Variants in TSNAX observed in about 807,000 individuals in gnomAD.
The protein encoded by TSNAX is translin associated factor X.
In TSNAX, 12 loss-of-function variants were observed where a neutral mutation model predicts 33.0. The ratio of observed to expected loss-of-function variants is 0.36; its 90% CI spans 0.23 to 0.59. The LOEUF is 0.59. Ranked by LOEUF, TSNAX falls within the 20% of genes least tolerant of loss-of-function variation. The pLI, the probability that TSNAX is intolerant of heterozygous loss-of-function variation, is 0.74. For missense variants in TSNAX, 267 were observed against 341.3 expected, an observed-to-expected ratio of 0.78 and a Z score of 1.72; for synonymous variants, 110 against 117.2, an observed-to-expected ratio of 0.94 and a Z score of 0.40.
At chr1:231,557,432 T>C (rs992020458) in intron 4 of TSNAX, among the ~76,000 whole-genome samples, 14 of 152,292 alleles carry the variant, frequency 9.2e-5, no homozygotes, top group African/African-American at 3.1e-4. Context: ...TCCATTAGTC[T>C]TATTTATTAT....
At chr1:231,556,223 A>C (rs1247892533) in intron 4 of TSNAX, among the ~76,000 whole-genome samples, 1 of 152,236 alleles carries the variant, frequency 6.6e-6, no homozygotes, top group Non-Finnish European at 1.5e-5. Context: ...ATTTTTAAAA[A>C]TAATTTGTAA....
intron 3 of TSNAX, among the ~76,000 whole-genome samples, chr1:231,538,728 T>G (rs928576955): frequency 6.6e-6 from 1 of 152,106 alleles, no homozygotes; most frequent in Non-Finnish European, 1.5e-5. Context: ...GCATGGTGGC[T>G]CACACCTGTA....
intron 3 of TSNAX, among the ~76,000 whole-genome samples, chr1:231,542,277 A>G (rs1659624236): frequency 6.6e-6 from 1 of 152,244 alleles, no homozygotes; most frequent in African/African-American, 2.4e-5. Flanking sequence ...TATAGTAAAC[A>G]TACAATTTTT....
chr1:231,530,966 T>G (rs866421535), intron 2 of TSNAX, among the ~76,000 whole-genome samples: 2,798 of 151,390 alleles, frequency 0.018, 89 homozygotes, highest in African/African-American at 0.064. Flanking sequence ...TTTGGTTTTT[T>G]TTTTTTTTTG....
intron 4 of TSNAX, among the ~76,000 whole-genome samples, chr1:231,553,743 A>G (rs959159566): frequency 4.0e-5 from 6 of 148,984 alleles, no homozygotes; most frequent in African/African-American, 7.5e-5. Context: ...GTGGAGTGCA[A>G]TGGCGAGATC....
At chr1:231,529,190 C>T (rs1658480599) in intron 1 of TSNAX, 65 bp from the exon 2 acceptor site, 4 of 1,530,172 alleles carry the variant, frequency 2.6e-6, no homozygotes, top group Non-Finnish European at 3.6e-6. Flanking sequence ...GTAGGTTTGT[C>T]TATGTTGTGT....
chr1:231,532,131 A>ACACACAC (rs1231238804), intron 2 of TSNAX, among the ~76,000 whole-genome samples: 5 of 85,176 alleles, frequency 5.9e-5, no homozygotes, highest in South Asian at 6.0e-4. Context: ...TAGTGGTAAT[A>ACACACAC]ACACACACAC....
chr1:231,538,488 A>G (rs1659340128), intron 3 of TSNAX, among the ~76,000 whole-genome samples: 1 of 152,142 alleles, frequency 6.6e-6, no homozygotes. Flanking sequence ...TTCATAATTC[A>G]TTTGACCTGA....
Position 231,557,381 on chromosome 1 carries a change from A to G in TSNAX, c.368-3747A>G, listed in dbSNP as rs74919721. ...AACTTGTTCAAAGAGGGGAAGTGGCACAAAATGCTGAATGCTGCCGAGATG... is the reference window on the plus strand; with the variant it reads ...AACTTGTTCAAAGAGGGGAAGTGGCGCAAAATGCTGAATGCTGCCGAGATG... On this transcript the variant is annotated intron_variant, in intron 4 of 5. Transcript: ENST00000366639. 4.6e-5 allele frequency among the ~76,000 whole-genome samples: 7 copies of G among 152,296 alleles called. No individual in the cohort carries two copies. In the East Asian group the frequency reaches 1.3e-3, roughly 29 times the overall value.
intron 1 of TSNAX, 26 bp from the exon 2 acceptor site, chr1:231,529,229 C>T: frequency 6.2e-7 from 1 of 1,605,878 alleles, no homozygotes; most frequent in Non-Finnish European, 8.5e-7. Flanking sequence ...TGGAAGATCC[C>T]TCTCTTTTTT....
intron 2 of TSNAX, 144 bp from the exon 3 acceptor site, chr1:231,537,069 G>A (rs1465216417): frequency 1.9e-6 from 1 of 528,708 alleles, no homozygotes; most frequent in East Asian, 3.5e-5. Context: ...TTGACCTCAT[G>A]ATCCACCTAC....
chr1:231,552,188 G>A (rs968676492), intron 4 of TSNAX, among the ~76,000 whole-genome samples: 6 of 152,086 alleles, frequency 3.9e-5, no homozygotes, highest in Non-Finnish European at 8.8e-5. Context: ...GGGAGGCTGA[G>A]GCAGGAGAGA....
At chr1:231,548,471 G>C (rs1458187294) in intron 4 of TSNAX, among the ~76,000 whole-genome samples, 2 of 152,218 alleles carry the variant, frequency 1.3e-5, no homozygotes, top group Non-Finnish European at 2.9e-5. Flanking sequence ...GAGGCAGAGA[G>C]GTGAGGCAGT....
intron 1 of TSNAX, 148 bp from the exon 2 acceptor site, chr1:231,529,107 C>T: frequency 1.2e-6 from 1 of 810,020 alleles, no homozygotes; most frequent in Non-Finnish European, 1.9e-6. Context: ...AAGGCCTGGG[C>T]AGCGTCTCTG....
chr1:231,535,727 T>C (rs1659121574), intron 2 of TSNAX: 1 of 152,178 alleles, frequency 6.6e-6, no homozygotes, highest in South Asian at 2.1e-4. Context: ...ACAGTAACTA[T>C]AAGGAATCAA....
At chr1:231,536,112 G>A (rs972301750) in intron 2 of TSNAX, 1 of 152,048 alleles carries the variant, frequency 6.6e-6, no homozygotes, top group African/African-American at 2.4e-5. Flanking sequence ...AAATTTTGAT[G>A]TTTCTTACTG....
At chr1:231,532,131 AACACACACACAC>A (rs745744924) in intron 2 of TSNAX, among the ~76,000 whole-genome samples, 1,880 of 85,138 alleles carry the variant, frequency 0.022, 38 homozygotes, top group African/African-American at 0.024. Context: ...TAGTGGTAAT[AACACACACACAC>A]ACACACACAC....
intron 4 of TSNAX, among the ~76,000 whole-genome samples, chr1:231,550,670 T>TCTTC (rs1660239996): frequency 1.3e-5 from 2 of 152,326 alleles, no homozygotes; most frequent in South Asian, 2.1e-4. Context: ...TTTCTTTTCT[T>TCTTC]CTTCCTTCCT....
chr1:231,545,069 G>T (rs2124910030), intron 4 of TSNAX, among the ~76,000 whole-genome samples: 1 of 144,990 alleles, frequency 6.9e-6, no homozygotes, highest in South Asian at 2.1e-4. Context: ...AAGCAATAAA[G>T]ATGTTTTTTC....
Sources: gnomAD v4.1 joint callset for allele counts (sites outside exome capture counted in the v4.1 genomes callset) on GRCh38, gnomAD v4.1.1 for gene constraint, MANE v1.5 for transcripts, NCBI Gene and HGNC (gene_info 2026-07-23, HGNC 2026-07-21) for gene names.